The following HOOK3 variants were observed in gnomAD, a reference collection of about 807,000 sequenced individuals.
HOOK3 encodes the protein hook microtubule tethering protein 3, also known as protein Hook homolog 3.
A neutral mutation model predicts 116.3 loss-of-function variants in HOOK3; 24 were observed. That is an observed-to-expected ratio of 0.21 (90% CI 0.15 to 0.29). The LOEUF is 0.29. Among genes scored for constraint, HOOK3 ranks in the 10% least tolerant of loss-of-function variants. The probability of loss-of-function intolerance (pLI) is 1.00; values close to 1 mark genes in which losing one functional copy is unlikely to be tolerated. For missense variants in HOOK3, 632 were observed against 830.2 expected, an observed-to-expected ratio of 0.76 and a Z score of 2.93; for synonymous variants, 275 against 283.0, an observed-to-expected ratio of 0.97 and a Z score of 0.28.
chr8:42,915,418 A>C (rs546872811), intron 2 of HOOK3, among the ~76,000 whole-genome samples: 3 of 152,112 alleles, frequency 2.0e-5, no homozygotes, highest in African/African-American at 7.2e-5. Context: ...CGTGATGTAG[A>C]TATTGCCTGT....
chr8:42,996,045 T>TA (rs1471017456), intron 15 of HOOK3, among the ~76,000 whole-genome samples: 1 of 151,990 alleles, frequency 6.6e-6, no homozygotes, highest in African/African-American at 2.4e-5. Context: ...CCTTGGGAGG[T>TA]AAGCTGGTCT....
At chr8:42,957,263 T>C (rs934342153) in intron 7 of HOOK3, 107 bp downstream of exon 7, 1 of 462,872 alleles carries the variant, frequency 2.2e-6, no homozygotes, top group African/African-American at 2.0e-5. Context: ...ATTGGTTTAA[T>C]TCTTTATATT....
chr8:42,987,770 T>G (rs989994309), intron 15 of HOOK3, among the ~76,000 whole-genome samples: 1 of 152,258 alleles, frequency 6.6e-6, no homozygotes, highest in Non-Finnish European at 1.5e-5. Flanking sequence ...TTGTTGTGAC[T>G]GTCTTTTTGT....
chr8:42,916,165 C>T (rs557815781), intron 2 of HOOK3, among the ~76,000 whole-genome samples: 3 of 152,228 alleles, frequency 2.0e-5, no homozygotes, highest in Non-Finnish European at 2.9e-5. Flanking sequence ...TTCAGTGGAG[C>T]CTGCCCTGCC....
At position 43,016,104 on chromosome 8, in the gene HOOK3, A is replaced by G. The variant is rs925878739; in HGVS notation, c.2017-2254A>G. The stretch of plus-strand genomic sequence containing the variant: ...ATGATTTATTCTGTGAAGTGGTACT[A>G]AAGAATAGTCCTAATTTGTTTTTTT... On this transcript the variant is annotated intron_variant, in intron 21 of 21. Coordinates refer to ENST00000307602, the MANE Select transcript of HOOK3 (RefSeq NM_032410.4). Among the ~76,000 whole-genome samples the G allele has an allele frequency of 3.6e-5, 5 of 140,146 alleles. No individual in the cohort carries two copies. The South Asian group carries it at 7.2e-4, about 20-fold the overall frequency. 91.9% of individuals were successfully genotyped at this position (140,146 alleles called of 152,430 possible).
chr8:42,985,563 T>A (rs1162679256), intron 14 of HOOK3, among the ~76,000 whole-genome samples: 2 of 152,166 alleles, frequency 1.3e-5, no homozygotes, highest in Non-Finnish European at 2.9e-5. Flanking sequence ...GGGTTTATAT[T>A]TTCTTTTCAT....
At chr8:42,967,992 T>A (rs764980610) in intron 10 of HOOK3, 21 bp from the exon 11 acceptor site, 27 of 1,379,338 alleles carry the variant, frequency 2.0e-5, no homozygotes, top group East Asian at 1.4e-4. Flanking sequence ...CTGATTTTTT[T>A]AATTTCCCAT....
intron 2 of HOOK3, among the ~76,000 whole-genome samples, chr8:42,917,937 T>G (rs1807564026): frequency 6.6e-6 from 1 of 152,200 alleles, no homozygotes; most frequent in Admixed American, 6.5e-5. Flanking sequence ...CCAAGATTAT[T>G]TTAGGTCATT....
rs1159819700 is a variant in HOOK3 at position 42,897,149 on chromosome 8, G to C, written c.18G>C (p.Ser6=). 1.4e-5 allele frequency: 18 copies of C among 1,248,182 alleles called. No homozygotes were observed. Among genetic ancestry groups the C allele is most frequent in the Non-Finnish European group, 1.8e-5 (18 of 990,966 alleles). 77.3% of individuals were successfully genotyped at this position (1,248,182 alleles called of 1,614,324 possible). A position where few individuals can be genotyped will look rare whatever the true frequency, so the allele number is the denominator to read the frequency against. Residue 6 remains serine (S), a synonymous_variant, in exon 1 of 22, where the codon TCG becomes TCC. Transcript: ENST00000307602. ...CGGGGAAGATGTTCAGCGTAGAGTC[G>C]CTGGAGCGGGCGGAGCTGTGCGAGA... MFSVE[S]LERAELCESL...
chr8:42,979,923 T>C (rs554920740), intron 13 of HOOK3, among the ~76,000 whole-genome samples: 2 of 152,182 alleles, frequency 1.3e-5, no homozygotes, highest in Admixed American at 6.5e-5. Flanking sequence ...TTCACATATC[T>C]CTAATCATCT....
At chr8:42,909,719 C>T (rs185524843) in intron 2 of HOOK3, among the ~76,000 whole-genome samples, 1 of 152,312 alleles carries the variant, frequency 6.6e-6, no homozygotes, top group East Asian at 1.9e-4. Context: ...CCTGCCTTGG[C>T]CTGACAAAGT....
rs558170716 is a variant in HOOK3 at position 42,972,145 on chromosome 8, TCTTTATGGC to T, written c.1123-1139_1123-1131del. Among the ~76,000 whole-genome samples the T allele has an allele frequency of 4.0e-3, 612 of 152,348 alleles. 3 individuals are homozygous for T. The highest frequency in any genetic ancestry group is 5.2e-3 in the Non-Finnish European group (352 of 68,028). Reference sequence around the variant, plus strand: ...TAGAGTCTTGTTCGTTGTGGCATTTTCTTTATGGCCTTTGTAATTTTGGATTTTGCTCTT... The same window carrying T: ...TAGAGTCTTGTTCGTTGTGGCATTTTCTTTGTAATTTTGGATTTTGCTCTT... On this transcript the variant is annotated intron_variant, in intron 11 of 21. Coordinates refer to ENST00000307602, the MANE Select transcript of HOOK3 (RefSeq NM_032410.4).
At chr8:42,964,178 G>C (rs948044878) in intron 8 of HOOK3, 133 bp from the exon 9 acceptor site, 3 of 839,306 alleles carry the variant, frequency 3.6e-6, no homozygotes, top group Middle Eastern at 2.5e-4. Context: ...CTGCACTCCA[G>C]CCTGGGCGAC....
At chr8:42,990,580 A>G (rs559147932) in intron 15 of HOOK3, among the ~76,000 whole-genome samples, 3 of 151,912 alleles carry the variant, frequency 2.0e-5, no homozygotes, top group South Asian at 2.1e-4. Context: ...GGCTCAAGCA[A>G]TCCACCCACC....
intron 2 of HOOK3, among the ~76,000 whole-genome samples, chr8:42,919,082 C>T (rs1298919100): frequency 2.0e-5 from 3 of 147,722 alleles, no homozygotes; most frequent in East Asian, 2.1e-4. Context: ...GCTGGCCGGG[C>T]GGGGGCTGCC....
At chr8:42,902,853 A>G (rs537468467) in intron 1 of HOOK3, among the ~76,000 whole-genome samples, 4 of 152,316 alleles carry the variant, frequency 2.6e-5, no homozygotes, top group East Asian at 3.9e-4. Flanking sequence ...CGTATCAGGC[A>G]TTGTGCTGAG....
At chr8:42,904,536 C>T (rs764180531) in intron 1 of HOOK3, among the ~76,000 whole-genome samples, 12 of 152,058 alleles carry the variant, frequency 7.9e-5, no homozygotes, top group Non-Finnish European at 1.6e-4. Flanking sequence ...TGGTTCTGAT[C>T]TCCAGACCTC....
chr8:42,974,927 G>A (rs1410980294), intron 13 of HOOK3, among the ~76,000 whole-genome samples: 2 of 152,206 alleles, frequency 1.3e-5, no homozygotes, highest in East Asian at 1.9e-4. Flanking sequence ...CCAGCTGTCT[G>A]TGTGGATGCC....
At chr8:42,948,385 AT>A (rs961838808) in intron 5 of HOOK3, among the ~76,000 whole-genome samples, 1 of 152,174 alleles carries the variant, frequency 6.6e-6, no homozygotes, top group African/African-American at 2.4e-5. Context: ...AGATTCATAA[AT>A]TTTTTTATTT....
Sources: gnomAD v4.1 joint callset for allele counts (sites outside exome capture counted in the v4.1 genomes callset) on GRCh38, gnomAD v4.1.1 for gene constraint, MANE v1.5 for transcripts, NCBI Gene and HGNC (gene_info 2026-07-23, HGNC 2026-07-21) for gene names.